The following ASB4 variants were observed in gnomAD, a reference collection of about 807,000 sequenced individuals.
ASB4 encodes the protein ankyrin repeat and SOCS box containing 4.
A neutral mutation model predicts 38.6 loss-of-function variants in ASB4; 35 were observed. The ratio of observed to expected loss-of-function variants is 0.91; its 90% CI spans 0.69 to 1.20. ASB4 has a LOEUF of 1.20. ASB4 is among the 50% of genes most tolerant of loss of function. The pLI is 0.00. For synonymous variants in ASB4, 195 were observed against 201.3 expected (o/e 0.97, Z 0.26); for missense variants, 557 against 527.2 (o/e 1.06, Z -0.55).
At chr7:95,517,607 A>T (rs1225932562) in intron 2 of ASB4, among the ~76,000 whole-genome samples, 1 of 152,142 alleles carries the variant, frequency 6.6e-6, no homozygotes, top group Non-Finnish European at 1.5e-5. Context: ...AACTGAAAAA[A>T]AAAAAGAATT....
chr7:95,508,579 C>T (rs1790441086), intron 2 of ASB4, among the ~76,000 whole-genome samples: 3 of 152,064 alleles, frequency 2.0e-5, no homozygotes, highest in Admixed American at 6.6e-5. Context: ...CTTTATGATG[C>T]TACTAGTCTT....
At chr7:95,495,539 C>T (rs58222360) in intron 1 of ASB4, among the ~76,000 whole-genome samples, 1,864 of 152,250 alleles carry the variant, frequency 0.012, 40 homozygotes, top group African/African-American at 0.042. Flanking sequence ...ACAGTGAGAG[C>T]TTGAGAAAGC....
At chr7:95,483,625 G>T (rs922516511), upstream of ASB4, among the ~76,000 whole-genome samples, 6 of 152,152 alleles carry the variant, frequency 3.9e-5, no homozygotes, top group Admixed American at 6.5e-5. Context: ...TAGTATATTT[G>T]CAGCTTTGTG....
the ASB4 span, among the ~76,000 whole-genome samples, chr7:95,549,589 G>A: frequency 7.9e-5 from 12 of 151,906 alleles, no homozygotes; most frequent in Non-Finnish European, 1.6e-4. Context: ...GAGCCACCGC[G>A]CCCGGCCGAG....
At chr7:95,530,798 A>C (rs951564446) in intron 3 of ASB4, among the ~76,000 whole-genome samples, 4 of 152,114 alleles carry the variant, frequency 2.6e-5, no homozygotes, top group Non-Finnish European at 4.4e-5. Context: ...ATATTCTAAA[A>C]TGGTCCTTTT....
At chr7:95,501,460 G>A (rs2074126) in intron 2 of ASB4, among the ~76,000 whole-genome samples, 24,847 of 152,054 alleles carry the variant, frequency 0.16, 2,575 homozygotes, top group East Asian at 0.37. Context: ...CTGGACAGAC[G>A]CTGCTCTTAC....
chr7:95,481,422 A>G (rs1210427756), upstream of ASB4, among the ~76,000 whole-genome samples: 1 of 152,224 alleles, frequency 6.6e-6, no homozygotes, highest in East Asian at 1.9e-4. Flanking sequence ...GAAGTATAAC[A>G]GATGAGAAGA....
chr7:95,515,171 T>TTCTC (rs1296313857), intron 2 of ASB4, among the ~76,000 whole-genome samples: 2 of 44,660 alleles, frequency 4.5e-5, no homozygotes, highest in East Asian at 9.9e-4. Flanking sequence ...CTCTTTCTCT[T>TTCTC]TCTTTCTTTC....
rs1790826708 is a variant in ASB4, at chr7:95,532,067, A to G, written c.978+3764A>G. 2.0e-5 allele frequency among the ~76,000 whole-genome samples: 3 copies of G among 152,192 alleles called. No homozygotes were observed. The South Asian group carries it at 6.2e-4, about 32-fold the overall frequency. Reference sequence around the variant, plus strand: ...CTGGCCCCCCTCCAAAGGAAAAGTAAAGAAAAACTATTCAATTTACTATGC... The same window carrying G: ...CTGGCCCCCCTCCAAAGGAAAAGTAGAGAAAAACTATTCAATTTACTATGC... On this transcript the variant is annotated intron_variant, in intron 3 of 4. Coordinates refer to ENST00000325885, the MANE Select transcript of ASB4 (RefSeq NM_016116.3).
chr7:95,550,811 A>C, the ASB4 span, among the ~76,000 whole-genome samples: 1 of 152,168 alleles, frequency 6.6e-6, no homozygotes, highest in Non-Finnish European at 1.5e-5. Context: ...CTTGAAATTC[A>C]GCCAGTGCAG....
intron 2 of ASB4, among the ~76,000 whole-genome samples, chr7:95,523,436 A>AT (rs750487751): frequency 4.5e-4 from 68 of 152,380 alleles, no homozygotes; most frequent in Non-Finnish European, 7.1e-4. Context: ...TAACTAAAAA[A>AT]GAAATACCAT....
At chr7:95,550,861 C>G in the ASB4 span, among the ~76,000 whole-genome samples, 1 of 152,186 alleles carries the variant, frequency 6.6e-6, no homozygotes, top group African/African-American at 2.4e-5. Flanking sequence ...CTTCCATGTA[C>G]AGGATGTCTT....
At chr7:95,550,650 T>C in the ASB4 span, among the ~76,000 whole-genome samples, 2 of 152,166 alleles carry the variant, frequency 1.3e-5, no homozygotes, top group African/African-American at 4.8e-5. Flanking sequence ...CTTGCATTTG[T>C]TTTGCATCTC....
chr7:95,536,604 C>A, intron 4 of ASB4, 54 bp downstream of exon 4: 1 of 1,284,124 alleles, frequency 7.8e-7, no homozygotes, highest in African/African-American at 1.5e-5. Flanking sequence ...TTCCAGACTG[C>A]TCTAGAAGTA....
Position 95,537,994 on chromosome 7 carries a change from A to G in ASB4, c.*235A>G. ...TTCAGAATGTACTGATAGAACAGTAATAACTAATATGTATAGTGTTCTTAC... is the reference window on the plus strand; with the variant it reads ...TTCAGAATGTACTGATAGAACAGTAGTAACTAATATGTATAGTGTTCTTAC... On this transcript the variant is annotated 3_prime_UTR_variant, in exon 5 of 5. Coordinates refer to ENST00000325885, the MANE Select transcript of ASB4 (RefSeq NM_016116.3). 4 of 471,762 alleles carry G rather than the reference A, an allele frequency of 8.5e-6. No homozygotes were observed. The highest frequency in any genetic ancestry group is 1.1e-5 in the Non-Finnish European group (3 of 263,240). 29.2% of individuals were successfully genotyped at this position (471,762 alleles called of 1,614,324 possible). A position where few individuals can be genotyped will look rare whatever the true frequency, so the allele number is the denominator to read the frequency against.
chr7:95,515,221 C>CT (rs763779794), intron 2 of ASB4, among the ~76,000 whole-genome samples: 2 of 111,706 alleles, frequency 1.8e-5, no homozygotes, highest in African/African-American at 7.5e-5. Context: ...TTCTTTCTTT[C>CT]TTTCTTTCTT....
At position 95,527,723 on chromosome 7, in the gene ASB4, A is replaced by G; in HGVS notation, c.488-90A>G. On this transcript the variant is annotated intron_variant, in intron 2 of 4. Coordinates refer to ENST00000325885, the MANE Select transcript of ASB4 (RefSeq NM_016116.3). ...ATATACGGCAGTCAGAAGTTAAAAGAGAAGCAGTGAGAAAAGTCTTGTTTA... is the reference window on the plus strand; with the variant it reads ...ATATACGGCAGTCAGAAGTTAAAAGGGAAGCAGTGAGAAAAGTCTTGTTTA... The G allele has an allele frequency of 2.4e-6, 3 of 1,238,548 alleles. No homozygotes were observed. The South Asian group carries it at 4.6e-5, about 19-fold the overall frequency. 76.7% of individuals were successfully genotyped at this position (1,238,548 alleles called of 1,614,324 possible).
intron 2 of ASB4, among the ~76,000 whole-genome samples, chr7:95,521,229 A>G (rs1293785993): frequency 6.6e-6 from 1 of 152,110 alleles, no homozygotes; most frequent in Non-Finnish European, 1.5e-5. Context: ...CTTTTTGAAT[A>G]TGACCTTTAT....
At chr7:95,498,133 T>G (rs1223947856) in intron 2 of ASB4, among the ~76,000 whole-genome samples, 1 of 152,178 alleles carries the variant, frequency 6.6e-6, no homozygotes, top group Non-Finnish European at 1.5e-5. Flanking sequence ...CTATCAGCAA[T>G]GTATGAGAAT....
Sources: gnomAD v4.1 joint callset for allele counts (sites outside exome capture counted in the v4.1 genomes callset) on GRCh38, gnomAD v4.1.1 for gene constraint, MANE v1.5 for transcripts, NCBI Gene and HGNC (gene_info 2026-07-23, HGNC 2026-07-21) for gene names.